The following SMS variants were observed in gnomAD, a reference collection of about 807,000 sequenced individuals.
SMS encodes spermidine aminopropyltransferase.
Under a neutral mutation model 33.0 loss-of-function variants are expected in SMS, and 3 were observed. The observed-to-expected ratio is 0.09, with a 90% CI of 0.04 to 0.23. The LOEUF is 0.23. Ranked by LOEUF, SMS falls within the 10% of genes least tolerant of loss-of-function variation. The pLI is 1.00. For synonymous variants in SMS, 103 were observed against 112.2 expected (o/e 0.92, Z 0.52); for missense variants, 117 against 288.6 (o/e 0.41, Z 4.31).
intron 1 of SMS, among the ~76,000 whole-genome samples, chrX:21,949,278 G>A (rs1182809231): frequency 8.9e-6 from 1 of 112,125 alleles, no homozygotes; most frequent in African/African-American, 3.2e-5. Context: ...ACACTGTGTC[G>A]TTGGGTGGAA....
chrX:21,956,050 G>A (rs1922950808), intron 1 of SMS, among the ~76,000 whole-genome samples: 1 of 112,247 alleles, frequency 8.9e-6, no homozygotes. Flanking sequence ...AGGCAGGGCA[G>A]TGAAATAATT....
intron 9 of SMS, among the ~76,000 whole-genome samples, chrX:21,989,469 C>T (rs73195180): frequency 0.21 from 23,394 of 111,044 alleles, 2,121 homozygotes; most frequent in African/African-American, 0.34. Flanking sequence ...GAAACTCCCT[C>T]CACTTAAGAG....
Position 21,964,415 on chromosome X carries a change from G to C in SMS, c.50-2781G>C, listed in dbSNP as rs760216280. On this transcript the variant is annotated intron_variant, in intron 1 of 10. Transcript: ENST00000404933. ...CACCCTGACATCCAGCCCTACCCAA[G>C]TCCTTGCAAGTTTCAGCTGCATCCT... Among the ~76,000 whole-genome samples, 230 of 111,320 alleles carry C rather than the reference G, an allele frequency of 2.1e-3. 1 individual carries two copies. Among genetic ancestry groups the C allele is most frequent in the African/African-American group, 7.3e-3 (224 of 30,571 alleles).
chrX:21,986,859 T>C (rs776712851), intron 9 of SMS, among the ~76,000 whole-genome samples: 1 of 112,030 alleles, frequency 8.9e-6, no homozygotes, highest in South Asian at 3.7e-4. Context: ...AGATACTGTA[T>C]GATCTGCACA....
intron 9 of SMS, among the ~76,000 whole-genome samples, chrX:21,990,704 G>A (rs778087721): frequency 8.9e-6 from 1 of 112,690 alleles, no homozygotes; most frequent in South Asian, 3.6e-4. Context: ...CCTCTATAAA[G>A]AGAGAGTGTG....
intron 1 of SMS, among the ~76,000 whole-genome samples, chrX:21,947,000 C>G (rs757427163): frequency 4.9e-4 from 55 of 111,535 alleles, no homozygotes; most frequent in African/African-American, 1.7e-3. Context: ...TTGAGGTGAC[C>G]TTCCCTCCCT....
At chrX:21,952,245 G>T (rs763821149) in intron 1 of SMS, among the ~76,000 whole-genome samples, 1 of 111,559 alleles carries the variant, frequency 9.0e-6, no homozygotes, top group African/African-American at 3.3e-5. Context: ...TATGCTAACT[G>T]TAGGTTTTTT....
In SMS at chrX:21,978,012, A is replaced by G. The variant is rs1368726986; in HGVS notation, c.558A>G (p.Lys186=). The change falls in exon 6 of 11, where the codon AAA becomes AAG. Residue 186 remains lysine, a synonymous_variant. Transcript: ENST00000404933. ...CCCGGGCCATCATGGGCAGTGGCAAAGAAGATTACACTGGCAAAGATGTAC... is the reference window on the plus strand; with the variant it reads ...CCCGGGCCATCATGGGCAGTGGCAAGGAAGATTACACTGGCAAAGATGTAC... ...AYTRAIMGSG[K]EDYTGKDVLI... is the part of the protein sequence containing the mutation. 8.3e-7 allele frequency: 1 copy of G among 1,206,438 alleles called. No individual in the cohort carries two copies. Among genetic ancestry groups the G allele is most frequent in the Non-Finnish European group, 1.1e-6 (1 of 891,995 alleles).
At chrX:21,957,450 C>G (rs1006745828) in intron 1 of SMS, among the ~76,000 whole-genome samples, 2 of 110,829 alleles carry the variant, frequency 1.8e-5, no homozygotes, top group African/African-American at 6.6e-5. Flanking sequence ...GCGCCTGCCA[C>G]CACACCCGGC....
intron 5 of SMS, 56 bp from the exon 6 acceptor site, chrX:21,977,904 C>T: frequency 1.8e-6 from 2 of 1,108,810 alleles, no homozygotes; most frequent in Non-Finnish European, 2.5e-6. Context: ...GTGGTGGGGC[C>T]AGGTGGTTTG....
At chrX:21,959,744 T>A (rs1923207116) in intron 1 of SMS, 1 of 119,773 alleles carries the variant, frequency 8.3e-6, no homozygotes, top group African/African-American at 3.2e-5. Context: ...GCTTTATGTG[T>A]GAAGGGACAT....
At chrX:21,988,263 A>T (rs1485076060) in intron 9 of SMS, among the ~76,000 whole-genome samples, 1 of 110,130 alleles carries the variant, frequency 9.1e-6, no homozygotes, top group Non-Finnish European at 1.9e-5. Context: ...GGATGTGTTG[A>T]TGTAGTTGCC....
intron 1 of SMS, among the ~76,000 whole-genome samples, chrX:21,953,845 TCTTTG>T (rs1922782200): frequency 9.0e-6 from 1 of 110,796 alleles, no homozygotes; most frequent in African/African-American, 3.3e-5. Context: ...AAGAAATAGC[TCTTTG>T]CTTAATTTTT....
At chrX:21,990,820 C>A (rs1380413697) in intron 9 of SMS, among the ~76,000 whole-genome samples, 2 of 112,812 alleles carry the variant, frequency 1.8e-5, no homozygotes, top group Non-Finnish European at 3.7e-5. Flanking sequence ...GGGCAGTTTT[C>A]TATTTGTGAA....
intron 9 of SMS, among the ~76,000 whole-genome samples, chrX:21,985,877 A>G (rs1925290799): frequency 9.0e-6 from 1 of 111,133 alleles, no homozygotes; most frequent in Non-Finnish European, 1.9e-5. Flanking sequence ...TTAAAAAATT[A>G]GCTGGGTATG....
intron 1 of SMS, among the ~76,000 whole-genome samples, chrX:21,947,904 A>T (rs949477236): frequency 9.1e-6 from 1 of 110,247 alleles, no homozygotes; most frequent in Admixed American, 9.6e-5. Flanking sequence ...AGGAATTCTC[A>T]TGCGTTAATT....
Position 21,972,653 on chromosome X carries a change from A to G in SMS, c.329+82A>G, listed in dbSNP as rs1924251237. ...GCTGGGCGCGGTAGCTCACACCTGT[A>G]ATCCCAGCAATTTAGGAGGCCGAGG... is the stretch of plus-strand genomic sequence containing the variant. On this transcript the variant is annotated intron_variant, in intron 4 of 10. Transcript: ENST00000404933. The G allele has an allele frequency of 1.2e-5, 8 of 666,333 alleles. No homozygotes were observed. The South Asian group carries it at 1.8e-4, about 15-fold the overall frequency. The allele number at this position is 666,333 out of a possible 1,213,427, so 54.9% of individuals were successfully genotyped here.
At chrX:21,941,219 CCCGGGCTG>C (rs1921741752) in intron 1 of SMS, 1 of 113,594 alleles carries the variant, frequency 8.8e-6, no homozygotes, top group Non-Finnish European at 1.8e-5. Context: ...TCGGGGAGTC[CCCGGGCTG>C]CCGGGCGCGG....
At chrX:21,956,097 T>C (rs1922953665) in intron 1 of SMS, among the ~76,000 whole-genome samples, 1 of 112,427 alleles carries the variant, frequency 8.9e-6, no homozygotes, top group South Asian at 3.7e-4. Context: ...CTTAGTGCAT[T>C]GAGTTTTAAG....
Sources: allele counts gnomAD v4.1 joint callset (sites outside exome capture counted in the v4.1 genomes callset), GRCh38; gene constraint gnomAD v4.1.1; transcripts MANE v1.5; gene names NCBI Gene and HGNC (gene_info 2026-07-23, HGNC 2026-07-21).